Variants in TTC6 observed in about 807,000 individuals in gnomAD.
TTC6 encodes tetratricopeptide repeat protein 6.
A neutral mutation model predicts 210.4 loss-of-function variants in TTC6; 172 were observed. The ratio of observed to expected loss-of-function variants is 0.82; its 90% CI spans 0.72 to 0.93. TTC6 has a LOEUF of 0.93. TTC6 is among the 40% of genes least tolerant of loss of function. The probability of loss-of-function intolerance (pLI) is 0.00; values close to 1 mark genes in which losing one functional copy is unlikely to be tolerated. For missense variants in TTC6, 2,414 were observed against 2,318.1 expected, an observed-to-expected ratio of 1.04 and a Z score of -0.85; for synonymous variants, 804 against 819.6, an observed-to-expected ratio of 0.98 and a Z score of 0.32.
At chr14:37,630,139 C>G (rs950285242) in intron 1 of TTC6, among the ~76,000 whole-genome samples, 8 of 151,848 alleles carry the variant, frequency 5.3e-5, no homozygotes, top group African/African-American at 1.9e-4. Flanking sequence ...ATTTATTTGT[C>G]CTTGCTTCTC....
intron 1 of TTC6, among the ~76,000 whole-genome samples, chr14:37,626,303 G>C (rs962447169): frequency 3.9e-5 from 6 of 152,174 alleles, no homozygotes; most frequent in Non-Finnish European, 8.8e-5. Flanking sequence ...TTAATTGGAG[G>C]ATGAAGTATC....
At chr14:37,690,580 T>C (rs1202662099) in intron 3 of TTC6, among the ~76,000 whole-genome samples, 1 of 152,134 alleles carries the variant, frequency 6.6e-6, no homozygotes, top group Non-Finnish European at 1.5e-5. Flanking sequence ...GGAATCTCTA[T>C]ACTTATATCA....
exon 18 of TTC6, chr14:37,795,325 C>T (rs1458999952): frequency 1.6e-5 from 25 of 1,531,058 alleles, no homozygotes; most frequent in Non-Finnish European, 2.0e-5. Flanking sequence ...CACCTTCAGC[C>T]AGATGGAATC....
chr14:37,739,934 C>T (rs190667900), intron 10 of TTC6, among the ~76,000 whole-genome samples: 310 of 152,066 alleles, frequency 2.0e-3, no homozygotes, highest in African/African-American at 6.7e-3. Flanking sequence ...GAGGCTGAGG[C>T]GGACAGATCA....
At chr14:37,610,866 C>T (rs1162826772) in intron 2 of TTC6, among the ~76,000 whole-genome samples, 3 of 152,170 alleles carry the variant, frequency 2.0e-5, no homozygotes, top group African/African-American at 7.2e-5. Flanking sequence ...CTTCGCTCAA[C>T]ATTATGTTTG....
At chr14:37,628,188 C>T (rs1381876273) in intron 1 of TTC6, among the ~76,000 whole-genome samples, 3 of 152,150 alleles carry the variant, frequency 2.0e-5, no homozygotes, top group East Asian at 1.9e-4. Context: ...ATGCTAGTCT[C>T]GAACTCCTGA....
At chr14:37,753,610 C>A (rs989666040) in intron 14 of TTC6, among the ~76,000 whole-genome samples, 4 of 152,122 alleles carry the variant, frequency 2.6e-5, no homozygotes, top group Admixed American at 2.6e-4. Context: ...ACACTATCAC[C>A]CTGTCTACGG....
rs560028123 is a variant in TTC6, at chr14:37,622,485, T to C, written c.421T>C (p.Ser141Pro). Residue 141 changes from serine (S) to proline (P), a missense_variant, in exon 1 of 31, where the codon TCG becomes CCG. Physicochemically the swap from Ser to Pro is moderately conservative, Grantham distance 74. Coordinates refer to ENST00000553443, the Ensembl canonical transcript of TTC6. ...CCTGAAAAAGCCCCCAGTCATCGCC[T>C]CGGGGTTCGGCACGGCCAGACCCGT... 66 of 1,535,150 alleles carry C rather than the reference T, an allele frequency of 4.3e-5. No homozygotes were observed. In the African/African-American group the frequency reaches 8.6e-4, roughly 20 times the overall value.
intron 1 of TTC6, among the ~76,000 whole-genome samples, chr14:37,651,433 TTTTTTTTTTTTTTTTTTTTTCC>T (rs2095712607): frequency 5.8e-5 from 2 of 34,740 alleles, no homozygotes; most frequent in African/African-American, 3.1e-4. Flanking sequence ...ATATTTTTTT[TTTTTTTTTTTTTTTTTTTTTCC>T]ATCCATGATT....
At chr14:37,837,199 T>G (rs946622043) in intron 29 of TTC6, 11 of 253,450 alleles carry the variant, frequency 4.3e-5, no homozygotes, top group South Asian at 4.1e-4. Context: ...TCAAAGTTCT[T>G]TTCTCTTACC....
At chr14:37,826,472 T>G (rs893671589) in intron 28 of TTC6, 125 bp downstream of exon 30, 2 of 964,846 alleles carry the variant, frequency 2.1e-6, no homozygotes, top group Non-Finnish European at 2.8e-6. Context: ...TTTTGTATTT[T>G]TTTTTAACCC....
At chr14:37,689,675 T>G (rs2138605533) in intron 3 of TTC6, among the ~76,000 whole-genome samples, 1 of 152,214 alleles carries the variant, frequency 6.6e-6, no homozygotes, top group Non-Finnish European at 1.5e-5. Flanking sequence ...ATACTTAAAG[T>G]GCTGAATAAA....
chr14:37,625,862 A>G (rs1424385518), intron 1 of TTC6, among the ~76,000 whole-genome samples: 1 of 152,182 alleles, frequency 6.6e-6, no homozygotes, highest in Non-Finnish European at 1.5e-5. Context: ...CTGGGCCTGG[A>G]GTTGCAAAGA....
chr14:37,722,722 C>T (rs1019232524), intron 6 of TTC6, among the ~76,000 whole-genome samples: 1 of 152,158 alleles, frequency 6.6e-6, no homozygotes, highest in Non-Finnish European at 1.5e-5. Flanking sequence ...CATCAGGTAT[C>T]GGGTATATAC....
chr14:37,641,910 T>C (rs2095692545), intron 1 of TTC6, among the ~76,000 whole-genome samples: 1 of 152,214 alleles, frequency 6.6e-6, no homozygotes, highest in African/African-American at 2.4e-5. Context: ...GGCCATACAG[T>C]TGATTAGCAT....
intron 3 of TTC6, among the ~76,000 whole-genome samples, chr14:37,695,174 G>C (rs889885657): frequency 3.3e-5 from 5 of 151,982 alleles, no homozygotes; most frequent in Non-Finnish European, 7.4e-5. Context: ...TTATTTGTGG[G>C]ATCTAAAAAT....
exon 12 of TTC6, chr14:37,749,729 C>A (rs1219686910): frequency 7.0e-7 from 1 of 1,435,678 alleles, no homozygotes; most frequent in South Asian, 1.5e-5. Context: ...ACTCTTGGAA[C>A]CATTGTTTCT....
At chr14:37,808,536 T>C (rs1375512611) in intron 23 of TTC6, among the ~76,000 whole-genome samples, 197 bp from the exon 26 acceptor site, 1 of 152,110 alleles carries the variant, frequency 6.6e-6, no homozygotes, top group African/African-American at 2.4e-5. Flanking sequence ...AGAGAAACTA[T>C]AATGATAATT....
chr14:37,746,595 C>T (rs949327237), intron 10 of TTC6, among the ~76,000 whole-genome samples: 2 of 152,122 alleles, frequency 1.3e-5, no homozygotes, highest in Admixed American at 6.6e-5. Context: ...CCTGGGTGTT[C>T]TGGCTAAGGC....
Sources: gnomAD v4.1 joint callset for allele counts (sites outside exome capture counted in the v4.1 genomes callset) on GRCh38, gnomAD v4.1.1 for gene constraint, MANE v1.5 for transcripts, NCBI Gene and HGNC (gene_info 2026-07-23, HGNC 2026-07-21) for gene names.